SIPA1L1: variants seen among roughly 807,000 people sequenced by gnomAD.
The protein encoded by SIPA1L1 is signal-induced proliferation-associated 1-like protein 1.
A neutral mutation model predicts 162.7 loss-of-function variants in SIPA1L1; 26 were observed. The observed-to-expected ratio is 0.16, with a 90% CI of 0.12 to 0.22. The LOEUF (loss-of-function observed/expected upper bound fraction) is 0.22, where lower values mean the gene tolerates loss of function less well. SIPA1L1 is among the 10% of genes least tolerant of loss of function. SIPA1L1 has a pLI of 1.00. For synonymous variants in SIPA1L1, 829 were observed against 837.4 expected (o/e 0.99, Z 0.17); for missense variants, 1,874 against 2,241.0 (o/e 0.84, Z 3.31).
chr14:71,684,087 G>T (rs1172197454), intron 12 of SIPA1L1, among the ~76,000 whole-genome samples: 1 of 152,152 alleles, frequency 6.6e-6, no homozygotes, highest in Non-Finnish European at 1.5e-5. Context: ...TGGGACATTT[G>T]GGGGACTGGT....
At chr14:71,706,458 A>G (rs1353888986) in intron 16 of SIPA1L1, among the ~76,000 whole-genome samples, 1 of 152,182 alleles carries the variant, frequency 6.6e-6, no homozygotes, top group Non-Finnish European at 1.5e-5. Flanking sequence ...AATTACATAT[A>G]TGGTTCCCAT....
At chr14:71,577,889 G>A (rs181434744) in intron 4 of SIPA1L1, among the ~76,000 whole-genome samples, 24 of 151,670 alleles carry the variant, frequency 1.6e-4, no homozygotes, top group Non-Finnish European at 2.9e-4. Flanking sequence ...ACACCACCAC[G>A]CCTGGCTAAT....
chr14:71,519,317 T>G (rs772797799), intron 3 of SIPA1L1, among the ~76,000 whole-genome samples: 3 of 151,512 alleles, frequency 2.0e-5, no homozygotes, highest in Non-Finnish European at 4.4e-5. Flanking sequence ...ACAAAAACCC[T>G]CCTAATAAAA....
At chr14:71,571,485 A>G (rs1273776152) in intron 4 of SIPA1L1, among the ~76,000 whole-genome samples, 1 of 152,192 alleles carries the variant, frequency 6.6e-6, no homozygotes, top group East Asian at 1.9e-4. Context: ...AAAATCCAGA[A>G]AAGAGCATAT....
At chr14:71,596,276 T>C (rs1024931224) in intron 5 of SIPA1L1, among the ~76,000 whole-genome samples, 3 of 152,144 alleles carry the variant, frequency 2.0e-5, no homozygotes, top group African/African-American at 7.2e-5. Flanking sequence ...TACTCCTTGT[T>C]GGGGAGTAAT....
rs151174836 is a variant in SIPA1L1 at position 71,403,327 on chromosome 14, C to T, written c.-465+82146C>T. Among the ~76,000 whole-genome samples, 697 of 152,138 alleles carry T rather than the reference C, an allele frequency of 4.6e-3. 3 individuals are homozygous for T. Among genetic ancestry groups the T allele is most frequent in the African/African-American group, 0.016 (655 of 41,514 alleles). ...ACATAAAAAGAATCTTGGCCTGGCG[C>T]GGTGGCTCACGCCTGTAATCCCAGC... On this transcript the variant is annotated intron_variant, in intron 2 of 23. Transcript: ENST00000381232.
chr14:71,674,613 G>GCAGT (rs2044911648), intron 12 of SIPA1L1, among the ~76,000 whole-genome samples: 1 of 146,094 alleles, frequency 6.8e-6, no homozygotes, highest in African/African-American at 2.6e-5. Flanking sequence ...CGCCCAGGCT[G>GCAGT]GAGTGCAGTG....
intron 4 of SIPA1L1, among the ~76,000 whole-genome samples, chr14:71,572,434 C>G (rs555167193): frequency 2.0e-5 from 3 of 152,324 alleles, no homozygotes; most frequent in African/African-American, 7.2e-5. Context: ...CCATGCACCC[C>G]TTCTTAGGCA....
intron 3 of SIPA1L1, among the ~76,000 whole-genome samples, chr14:71,517,078 CT>C (rs34329102): frequency 0.16 from 25,009 of 151,664 alleles, 2,664 homozygotes; most frequent in Middle Eastern, 0.35. Context: ...TAAGTACCTT[CT>C]TATAAATAAA....
chr14:71,456,188 T>G (rs2046175124), intron 2 of SIPA1L1, among the ~76,000 whole-genome samples: 1 of 152,224 alleles, frequency 6.6e-6, no homozygotes, highest in Non-Finnish European at 1.5e-5. Flanking sequence ...TTGTGTGGTA[T>G]AACTGCAAGA....
At chr14:71,511,154 A>C (rs1252648013) in intron 2 of SIPA1L1, among the ~76,000 whole-genome samples, 3 of 152,170 alleles carry the variant, frequency 2.0e-5, no homozygotes, top group Non-Finnish European at 4.4e-5. Context: ...TTTAAAACTC[A>C]CAGTGTTTCC....
intron 2 of SIPA1L1, among the ~76,000 whole-genome samples, chr14:71,381,145 C>A (rs565854852): frequency 1.3e-5 from 2 of 152,178 alleles, no homozygotes; most frequent in Non-Finnish European, 2.9e-5. Flanking sequence ...CTCCGCCTCC[C>A]GGGTTCAAGT....
rs776428888 is a variant in SIPA1L1, at chr14:71,589,205, G to C, written c.1333G>C (p.Ala445Pro). Reference protein sequence around the residue: ...NSGSFSGCESASFESTLSSHC... With the variant: ...NSGSFSGCESPSFESTLSSHC... Reference sequence around the variant, plus strand: ...TGGCTCCTTTAGTGGATGTGAAAGTGCCTCCTTTGAGTCTACCCTTAGTTC... The same window carrying C: ...TGGCTCCTTTAGTGGATGTGAAAGTCCCTCCTTTGAGTCTACCCTTAGTTC... The change falls in exon 5 of 24, where the codon GCC becomes CCC. Residue 445 changes from alanine to proline, a missense_variant. Physicochemically the swap from Ala to Pro is conservative, Grantham distance 27 (BLOSUM62 -1). Around this residue, in one of 5 missense-constraint regions of SIPA1L1, gnomAD observed 685 missense variants for 828.0 expected, o/e 0.83. Transcript: ENST00000381232. The C allele has an allele frequency of 3.7e-6, 6 of 1,614,004 alleles. No homozygotes were observed. In the African/African-American group the frequency reaches 6.7e-5, roughly 18 times the overall value.
chr14:71,427,490 T>C (rs1177818984), intron 2 of SIPA1L1, among the ~76,000 whole-genome samples: 1 of 152,204 alleles, frequency 6.6e-6, no homozygotes, highest in Non-Finnish European at 1.5e-5. Context: ...GATATTATAA[T>C]GTGTATCAAT....
intron 9 of SIPA1L1, among the ~76,000 whole-genome samples, chr14:71,660,572 G>C (rs1385451908): frequency 6.6e-6 from 1 of 152,078 alleles, no homozygotes; most frequent in Non-Finnish European, 1.5e-5. Context: ...GTCACACTTA[G>C]TTGTTTTTCT....
At position 71,402,712 on chromosome 14, in the gene SIPA1L1, G is replaced by A. The variant is rs147944346; in HGVS notation, c.-465+81531G>A. 4.4e-4 allele frequency among the ~76,000 whole-genome samples: 67 copies of A among 152,212 alleles called. 1 individual carries two copies. The highest frequency in any genetic ancestry group is 3.8e-3 in the Admixed American group (58 of 15,282). On this transcript the variant is annotated intron_variant, in intron 2 of 23. Transcript: ENST00000381232. Reference sequence around the variant, plus strand: ...TTCCTAAAATAGAGATAATGCCCATGTCCTAGGATTGTTGTATTGGTTATG... The same window carrying A: ...TTCCTAAAATAGAGATAATGCCCATATCCTAGGATTGTTGTATTGGTTATG...
At chr14:71,571,552 G>A (rs1256888165) in intron 4 of SIPA1L1, among the ~76,000 whole-genome samples, 2 of 152,076 alleles carry the variant, frequency 1.3e-5, no homozygotes, top group Non-Finnish European at 2.9e-5. Flanking sequence ...AACAGTAAAA[G>A]CTAGAAGTTA....
intron 5 of SIPA1L1, among the ~76,000 whole-genome samples, chr14:71,610,073 G>A (rs1230605367): frequency 3.3e-5 from 5 of 152,134 alleles, no homozygotes; most frequent in Admixed American, 3.3e-4. Context: ...CAAAGTAGGG[G>A]TGAGTGTAGT....
At chr14:71,337,287 A>G (rs1294485332) in intron 2 of SIPA1L1, among the ~76,000 whole-genome samples, 1 of 152,118 alleles carries the variant, frequency 6.6e-6, no homozygotes, top group African/African-American at 2.4e-5. Flanking sequence ...GTTATATTTA[A>G]TTCAAAAAGT....
Sources: allele counts gnomAD v4.1 joint callset (sites outside exome capture counted in the v4.1 genomes callset), GRCh38; gene constraint gnomAD v4.1.1; regional missense constraint gnomAD v4.1.1; transcripts MANE v1.5; gene names NCBI Gene and HGNC (gene_info 2026-07-23, HGNC 2026-07-21).